KCNH7: variants seen among roughly 807,000 people sequenced by gnomAD.
KCNH7 encodes the protein potassium voltage-gated channel subfamily H member 7.
Under a neutral mutation model 120.8 loss-of-function variants are expected in KCNH7, and 49 were observed. The ratio of observed to expected loss-of-function variants is 0.41; its 90% CI spans 0.32 to 0.51. The LOEUF (loss-of-function observed/expected upper bound fraction) is 0.51, where lower values mean the gene tolerates loss of function less well. KCNH7 is among the 20% of genes least tolerant of loss of function. The probability of loss-of-function intolerance (pLI) is 0.38; values close to 1 mark genes in which losing one functional copy is unlikely to be tolerated. For synonymous variants in KCNH7, 547 were observed against 516.1 expected (o/e 1.06, Z -0.81); for missense variants, 1,097 against 1,446.6 (o/e 0.76, Z 3.92).
intron 2 of KCNH7, among the ~76,000 whole-genome samples, chr2:162,789,647 T>C (rs1409170969): frequency 6.6e-6 from 1 of 152,044 alleles, no homozygotes; most frequent in Non-Finnish European, 1.5e-5. Context: ...GTTGAAATCA[T>C]GTCTAGGATC....
chr2:162,632,577 G>C (rs993058595), intron 2 of KCNH7, among the ~76,000 whole-genome samples: 1 of 151,702 alleles, frequency 6.6e-6, no homozygotes, highest in Non-Finnish European at 1.5e-5. Context: ...ATAAAGAACG[G>C]TGTCTAAAAA....
In KCNH7 at chr2:162,384,780, G is replaced by A. The variant is rs2105412687; in HGVS notation, c.2870C>T (p.Pro957Leu). The A allele has an allele frequency of 6.2e-7, 1 of 1,612,682 alleles. No individual in the cohort carries two copies. Residue 957 changes from proline (P) to leucine (L), a missense_variant, in exon 13 of 16, where the codon CCA (proline) becomes CTA (leucine). Transcript: ENST00000332142. Reference sequence around the variant, plus strand: ...GAGCCCAGATGCTTTCCCTATTCCTGGAGAAGAGTCTACTATTCCTGAGAA... The same window carrying A: ...GAGCCCAGATGCTTTCCCTATTCCTAGAGAAGAGTCTACTATTCCTGAGAA... ...PLFSGIVDSS[P>L]GIGKASGLDF... is the part of the protein sequence containing the mutation.
At chr2:162,436,718 A>G (rs1008070381) in intron 7 of KCNH7, among the ~76,000 whole-genome samples, 3 of 152,182 alleles carry the variant, frequency 2.0e-5, no homozygotes, top group African/African-American at 7.2e-5. Context: ...GAACACTTAT[A>G]TCTTAATGGA....
intron 2 of KCNH7, among the ~76,000 whole-genome samples, chr2:162,829,604 A>T (rs534451776): frequency 9.2e-5 from 14 of 152,222 alleles, no homozygotes; most frequent in African/African-American, 2.6e-4. Context: ...ACAGGTTAAT[A>T]ATTTCTGGTG....
intron 2 of KCNH7, among the ~76,000 whole-genome samples, chr2:162,605,791 A>G (rs1682742145): frequency 6.6e-6 from 1 of 152,096 alleles, no homozygotes; most frequent in Non-Finnish European, 1.5e-5. Flanking sequence ...TTCCCCTTGA[A>G]AGCTTGCACT....
At chr2:162,700,870 T>C (rs541124902) in intron 2 of KCNH7, among the ~76,000 whole-genome samples, 3 of 152,344 alleles carry the variant, frequency 2.0e-5, no homozygotes, top group Admixed American at 2.0e-4. Context: ...TGTTTTGGTG[T>C]CTTTAAAAAT....
chr2:162,657,826 A>G (rs1477763299), intron 2 of KCNH7, among the ~76,000 whole-genome samples: 1 of 152,086 alleles, frequency 6.6e-6, no homozygotes, highest in Non-Finnish European at 1.5e-5. Context: ...TTCAAAATGA[A>G]TCATAGAACT....
chr2:162,628,251 C>T (rs1467265432), intron 2 of KCNH7, among the ~76,000 whole-genome samples: 2 of 152,096 alleles, frequency 1.3e-5, no homozygotes, highest in Non-Finnish European at 2.9e-5. Context: ...ATTAGATTTA[C>T]TGATCCATAG....
chr2:162,559,929 A>G (rs1433142604), intron 2 of KCNH7, among the ~76,000 whole-genome samples: 4 of 152,192 alleles, frequency 2.6e-5, no homozygotes, highest in African/African-American at 9.6e-5. Context: ...TTTACTGGGT[A>G]ACAAAACGGG....
At chr2:162,520,945 C>T (rs1483203323) in intron 3 of KCNH7, among the ~76,000 whole-genome samples, 1 of 151,770 alleles carries the variant, frequency 6.6e-6, no homozygotes, top group Non-Finnish European at 1.5e-5. Context: ...AATTTTAATT[C>T]CCCTTGAGGT....
chr2:162,797,319 T>C (rs1212269099), intron 2 of KCNH7: 2 of 152,112 alleles, frequency 1.3e-5, no homozygotes, highest in East Asian at 3.9e-4. Context: ...TCAAGTCACC[T>C]GGGAGAACTG....
chr2:162,408,658 A>G (rs1235408309), intron 9 of KCNH7, among the ~76,000 whole-genome samples: 1 of 151,990 alleles, frequency 6.6e-6, no homozygotes, highest in Non-Finnish European at 1.5e-5. Flanking sequence ...TATCCCAACT[A>G]TAAAAATAAA....
intron 2 of KCNH7, among the ~76,000 whole-genome samples, chr2:162,779,727 T>A (rs1443313647): frequency 6.6e-6 from 1 of 152,164 alleles, no homozygotes; most frequent in Non-Finnish European, 1.5e-5. Context: ...CACCTGGTGG[T>A]AGTACACTGT....
chr2:162,455,366 T>A (rs529041239), intron 6 of KCNH7, among the ~76,000 whole-genome samples: 55 of 152,330 alleles, frequency 3.6e-4, no homozygotes, highest in African/African-American at 1.3e-3. Context: ...TTCACATCAA[T>A]GTTCATCAGG....
At chr2:162,431,693 T>C (rs868296187) in intron 8 of KCNH7, among the ~76,000 whole-genome samples, 1 of 152,124 alleles carries the variant, frequency 6.6e-6, no homozygotes, top group East Asian at 1.9e-4. Context: ...TGTATCTTAC[T>C]GTAATCAATT....
Position 162,396,920 on chromosome 2 carries a change from C to G in KCNH7, c.2433G>C (p.Met811Ile). 1 of 1,609,250 alleles carries G rather than the reference C, an allele frequency of 6.2e-7. No homozygotes were observed. Among genetic ancestry groups the G allele is most frequent in the East Asian group, 2.2e-5 (1 of 44,646 alleles). The change falls in exon 11 of 16, where the codon ATG becomes ATC. Residue 811 changes from methionine (M) to isoleucine (I), a missense_variant. Transcript: ENST00000332142. ...TTCCAGGTTTGGCATAAAGATGAAC[C>G]ATTTCTCCAAATATATCATTTTTTC... ...ILGKNDIFGEMVHLYAKPGKS... is the reference protein window; with the variant it reads ...ILGKNDIFGEIVHLYAKPGKS...
At chr2:162,465,548 G>A (rs1488560198) in intron 6 of KCNH7, among the ~76,000 whole-genome samples, 4 of 152,132 alleles carry the variant, frequency 2.6e-5, no homozygotes, top group Non-Finnish European at 5.9e-5. Flanking sequence ...AGTATCTTTT[G>A]TGTTTAATTT....
chr2:162,663,330 C>A (rs544524292), intron 2 of KCNH7, among the ~76,000 whole-genome samples: 1 of 152,236 alleles, frequency 6.6e-6, no homozygotes, highest in Non-Finnish European at 1.5e-5. Flanking sequence ...TTTACATTTG[C>A]AGAAATTTTT....
At chr2:162,755,957 G>A (rs945193730) in intron 2 of KCNH7, among the ~76,000 whole-genome samples, 9 of 152,062 alleles carry the variant, frequency 5.9e-5, no homozygotes, top group East Asian at 3.9e-4. Context: ...TAAGATCTTA[G>A]TATTATCAAA....
Sources: gnomAD v4.1 joint callset for allele counts (sites outside exome capture counted in the v4.1 genomes callset) on GRCh38, gnomAD v4.1.1 for gene constraint, MANE v1.5 for transcripts, NCBI Gene and HGNC (gene_info 2026-07-23, HGNC 2026-07-21) for gene names.